EFCAB6: variants seen among roughly 807,000 people sequenced by gnomAD.
The protein encoded by EFCAB6 is EF-hand calcium-binding domain-containing protein 6.
Under a neutral mutation model 169.8 loss-of-function variants are expected in EFCAB6, and 156 were observed. The ratio of observed to expected loss-of-function variants is 0.92; its 90% CI spans 0.81 to 1.05. The LOEUF (loss-of-function observed/expected upper bound fraction) is 1.05, where lower values mean the gene tolerates loss of function less well. Among genes scored for constraint, EFCAB6 ranks in the 50% least tolerant of loss-of-function variants. The pLI is 0.00. For synonymous variants in EFCAB6, 698 were observed against 676.4 expected (o/e 1.03, Z -0.50); for missense variants, 1,800 against 1,829.1 (o/e 0.98, Z 0.29).
intron 9 of EFCAB6, among the ~76,000 whole-genome samples, chr22:43,714,863 A>G (rs1462438148): frequency 6.6e-6 from 1 of 152,254 alleles, no homozygotes; most frequent in Non-Finnish European, 1.5e-5. Flanking sequence ...TGAGAGGGAT[A>G]AACTGTGATC....
rs550464719 is a variant in EFCAB6 at position 43,744,826 on chromosome 22, A to G, written c.508-8833T>C. Among the ~76,000 whole-genome samples the G allele has an allele frequency of 6.6e-6, 1 of 152,220 alleles. No individual in the cohort carries two copies. The highest frequency in any genetic ancestry group is 2.1e-4 in the South Asian group (1 of 4,824). ...ACAGACCCCATGATCTGGGGGAGAG[A>G]GGAAGCAGAAAGAAGGAGGGAGGTA... is the stretch of plus-strand genomic sequence containing the variant. On this transcript the variant is annotated intron_variant, in intron 6 of 31. Transcript: ENST00000262726. This position sits in a 1 kb window ranked among gnomAD's most constrained non-coding sequence, Gnocchi z 4.3.
At position 43,630,621 on chromosome 22, in the gene EFCAB6, G is replaced by T. The variant is rs533852506; in HGVS notation, c.2232+1484C>A. ...GCAGCTGCCAGGCCTCTACAGTTAG[G>T]GTGCCCGTGGAGGCCCTGCCGACCA... is the stretch of plus-strand genomic sequence containing the variant. On this transcript the variant is annotated intron_variant, in intron 19 of 31. Coordinates refer to ENST00000262726, the MANE Select transcript of EFCAB6 (RefSeq NM_022785.4). Among the ~76,000 whole-genome samples, 15 of 152,310 alleles carry T rather than the reference G, an allele frequency of 9.8e-5. No homozygotes were observed. The East Asian group carries it at 2.7e-3, about 27-fold the overall frequency.
At chr22:43,650,093 T>A (rs1047700291) in intron 17 of EFCAB6, among the ~76,000 whole-genome samples, 24 of 151,234 alleles carry the variant, frequency 1.6e-4, no homozygotes, top group Non-Finnish European at 3.6e-4. Flanking sequence ...GCAAAAGGGA[T>A]TTTTTGGTCA....
At chr22:43,683,914 T>C in intron 11 of EFCAB6, 59 bp from the exon 12 acceptor site, 2 of 1,366,484 alleles carry the variant, frequency 1.5e-6, no homozygotes, top group Admixed American at 1.7e-5. Flanking sequence ...TTTGTTCTTT[T>C]CTTAATGCAA....
At chr22:43,637,487 T>G (rs554919856) in intron 17 of EFCAB6, among the ~76,000 whole-genome samples, 57 of 152,344 alleles carry the variant, frequency 3.7e-4, no homozygotes, top group Non-Finnish European at 3.2e-4. Context: ...GCTGGTCCAA[T>G]CAGTCAGGCC....
At chr22:43,703,232 C>G (rs1307107096) in intron 10 of EFCAB6, among the ~76,000 whole-genome samples, 1 of 152,224 alleles carries the variant, frequency 6.6e-6, no homozygotes, top group African/African-American at 2.4e-5. Flanking sequence ...AGCTTGGCTG[C>G]CCCACCTGAA....
At chr22:43,764,496 T>C (rs1361510588) in intron 5 of EFCAB6, among the ~76,000 whole-genome samples, 1 of 152,230 alleles carries the variant, frequency 6.6e-6, no homozygotes, top group African/African-American at 2.4e-5. Flanking sequence ...AGTGCTGCGA[T>C]GAACATATGA....
intron 8 of EFCAB6, among the ~76,000 whole-genome samples, chr22:43,719,145 C>T (rs972168351): frequency 2.8e-4 from 42 of 152,232 alleles, no homozygotes; most frequent in Admixed American, 2.4e-3. Context: ...GGTCTGTGCA[C>T]ACGCCCTGTG....
At chr22:43,703,555 C>A (rs2058841515) in intron 10 of EFCAB6, among the ~76,000 whole-genome samples, 1 of 151,292 alleles carries the variant, frequency 6.6e-6, no homozygotes, top group African/African-American at 2.4e-5. Flanking sequence ...CAGAACAATC[C>A]TCTTAAAATT....
intron 27 of EFCAB6, among the ~76,000 whole-genome samples, chr22:43,551,095 G>C (rs2048353957): frequency 6.6e-6 from 1 of 152,208 alleles, no homozygotes; most frequent in Non-Finnish European, 1.5e-5. Flanking sequence ...ATGGAGTTAA[G>C]TGTAATTTAA....
intron 17 of EFCAB6, among the ~76,000 whole-genome samples, chr22:43,659,866 G>A (rs952551985): frequency 1.3e-5 from 2 of 152,120 alleles, no homozygotes; most frequent in East Asian, 3.9e-4. Context: ...AGCACATCTC[G>A]GGCTAAGCCA....
intron 28 of EFCAB6, among the ~76,000 whole-genome samples, chr22:43,539,356 G>T (rs906322470): frequency 6.6e-6 from 1 of 152,152 alleles, no homozygotes; most frequent in Admixed American, 6.5e-5. Flanking sequence ...ACCCCTAAAA[G>T]AACACAAACT....
intron 11 of EFCAB6, among the ~76,000 whole-genome samples, chr22:43,684,838 G>A (rs1172968290): frequency 2.6e-5 from 4 of 152,184 alleles, no homozygotes; most frequent in African/African-American, 4.8e-5. Flanking sequence ...CCTAGGGGCT[G>A]GAGAGCTCTT....
chr22:43,626,529 C>T lies in EFCAB6; in HGVS notation c.2383G>A (p.Val795Ile). 1 of 1,614,148 alleles carries T rather than the reference C, an allele frequency of 6.2e-7. No homozygotes were observed. The highest frequency in any genetic ancestry group is 1.3e-5 in the African/African-American group (1 of 75,026). Reference protein sequence around the residue: ...FLGLLGLRLSVTLNFREFQNL... With the variant: ...FLGLLGLRLSITLNFREFQNL... ...TGAAATTCCCGAAAATTTAAAGTGA[C>T]ACTAAGTCTCAAGCCAAGAAGGCCA... is the stretch of plus-strand genomic sequence containing the variant. Residue 795 changes from valine to isoleucine, a missense_variant, in exon 20 of 32, where the codon GTC becomes ATC. Physicochemically the swap from Val to Ile is conservative, Grantham distance 29 (BLOSUM62 3). Transcript: ENST00000262726.
At chr22:43,600,908 C>T (rs75025937) in intron 22 of EFCAB6, among the ~76,000 whole-genome samples, 5,895 of 152,274 alleles carry the variant, frequency 0.039, 125 homozygotes, top group African/African-American at 0.05. Context: ...GGTGATCCGC[C>T]GGCTTCGGCC....
chr22:43,735,237 G>A (rs2060088558), intron 7 of EFCAB6, among the ~76,000 whole-genome samples: 1 of 152,182 alleles, frequency 6.6e-6, no homozygotes, highest in Middle Eastern at 3.4e-3. Context: ...TGCCCTTGGA[G>A]TCAGGAGCAG....
intron 4 of EFCAB6, among the ~76,000 whole-genome samples, chr22:43,772,337 C>A (rs1323976746): frequency 1.3e-5 from 2 of 151,976 alleles, no homozygotes; most frequent in Non-Finnish European, 2.9e-5. Context: ...TTATATGGAC[C>A]CTTAAAAGAA....
intron 10 of EFCAB6, among the ~76,000 whole-genome samples, chr22:43,700,938 G>T (rs1471923938): frequency 9.2e-5 from 14 of 152,072 alleles, no homozygotes; most frequent in Admixed American, 9.2e-4. Context: ...TTGTGCATGG[G>T]TTTTTAAATG....
rs28535900 is a variant in EFCAB6, at chr22:43,591,117, T to G, written c.2877-888A>C. Among the ~76,000 whole-genome samples the G allele has an allele frequency of 1.3e-4, 17 of 130,168 alleles. No individual in the cohort carries two copies. In the East Asian group the frequency reaches 2.5e-3, roughly 19 times the overall value. The allele number at this position is 130,168 out of a possible 152,430, so 85.4% of individuals were successfully genotyped here. On this transcript the variant is annotated intron_variant, in intron 23 of 31. Transcript: ENST00000262726. ...TTGTTGTTTTTTGTTTTTTGTTTTT[T>G]TTTTTTGTTTTTTTTTTGTTTTTTT...
Sources: gnomAD v4.1 joint callset for allele counts (sites outside exome capture counted in the v4.1 genomes callset) on GRCh38, gnomAD v4.1.1 for gene constraint, Gnocchi (gnomAD v3.1) non-coding constraint, MANE v1.5 for transcripts, NCBI Gene and HGNC (gene_info 2026-07-23, HGNC 2026-07-21) for gene names.